STXBP6: variants seen among roughly 807,000 people sequenced by gnomAD.
The protein encoded by STXBP6 is syntaxin binding protein 6.
A neutral mutation model predicts 26.9 loss-of-function variants in STXBP6; 21 were observed. The observed-to-expected ratio is 0.78, with a 90% CI of 0.55 to 1.12. The LOEUF (loss-of-function observed/expected upper bound fraction) is 1.12, where lower values mean the gene tolerates loss of function less well. STXBP6 is among the 50% of genes most tolerant of loss of function. The probability of loss-of-function intolerance (pLI) is 0.00; values close to 1 mark genes in which losing one functional copy is unlikely to be tolerated. For synonymous variants in STXBP6, 97 were observed against 92.6 expected (o/e 1.05, Z -0.27); for missense variants, 232 against 257.9 (o/e 0.90, Z 0.69).
chr14:24,816,269 TTCCATCTCTGAACTC>T (rs1263073385), intron 5 of STXBP6: 2 of 146,192 alleles, frequency 1.4e-5, no homozygotes, highest in East Asian at 4.1e-4. Flanking sequence ...AATGCTTGGG[TTCCATCTCTGAACTC>T]TCCCCTCACC....
chr14:24,914,401 T>A (rs909489076), intron 2 of STXBP6, among the ~76,000 whole-genome samples: 2 of 152,176 alleles, frequency 1.3e-5, no homozygotes, highest in Non-Finnish European at 2.9e-5. Flanking sequence ...TTACTTTTTT[T>A]AAAAATGAAT....
At chr14:24,936,369 C>G (rs1309520286) in intron 2 of STXBP6, among the ~76,000 whole-genome samples, 1 of 152,182 alleles carries the variant, frequency 6.6e-6, no homozygotes, top group Non-Finnish European at 1.5e-5. Context: ...TCTTTGGATG[C>G]TGAGTAATGC....
At chr14:24,826,216 C>T (rs2068277278) in intron 4 of STXBP6, among the ~76,000 whole-genome samples, 1 of 151,704 alleles carries the variant, frequency 6.6e-6, no homozygotes, top group African/African-American at 2.4e-5. Context: ...CTTCAACATA[C>T]TTGCTACTTA....
chr14:24,938,085 C>T (rs1444147793), intron 2 of STXBP6, among the ~76,000 whole-genome samples: 1 of 152,184 alleles, frequency 6.6e-6, no homozygotes, highest in South Asian at 2.1e-4. Flanking sequence ...TACAAGACAA[C>T]AGAAATCACA....
intron 2 of STXBP6, among the ~76,000 whole-genome samples, chr14:24,937,391 G>A (rs1217957560): frequency 6.6e-6 from 1 of 152,168 alleles, no homozygotes; most frequent in Non-Finnish European, 1.5e-5. Context: ...TATATATGAT[G>A]TTGCTCTGTT....
chr14:25,021,999 A>T (rs999364015), intron 1 of STXBP6, among the ~76,000 whole-genome samples: 1 of 152,232 alleles, frequency 6.6e-6, no homozygotes, highest in African/African-American at 2.4e-5. Flanking sequence ...CCATGCTCCA[A>T]CTAGAACAAG....
chr14:24,978,456 G>A (rs2074106242), intron 1 of STXBP6, among the ~76,000 whole-genome samples: 1 of 152,178 alleles, frequency 6.6e-6, no homozygotes, highest in Non-Finnish European at 1.5e-5. Context: ...GCTTTATCAA[G>A]CCTTACGTCT....
chr14:24,845,441 C>A (rs993084262), intron 4 of STXBP6, among the ~76,000 whole-genome samples: 2 of 152,106 alleles, frequency 1.3e-5, no homozygotes, highest in Admixed American at 6.5e-5. Flanking sequence ...AAGTAAGGAA[C>A]TTTTTGATAT....
At chr14:24,888,617 G>A (rs866715929) in intron 2 of STXBP6, among the ~76,000 whole-genome samples, 1 of 151,996 alleles carries the variant, frequency 6.6e-6, no homozygotes, top group East Asian at 1.9e-4. Context: ...CTGCTACTCA[G>A]GAGGCTGAGG....
intron 1 of STXBP6, among the ~76,000 whole-genome samples, chr14:24,993,866 T>G (rs910767916): frequency 6.6e-6 from 1 of 152,100 alleles, no homozygotes; most frequent in Non-Finnish European, 1.5e-5. Flanking sequence ...CCCCCAGAGA[T>G]CCAAGTACCT....
intron 2 of STXBP6, among the ~76,000 whole-genome samples, chr14:24,966,937 G>A (rs1400861179): frequency 6.6e-6 from 1 of 152,206 alleles, no homozygotes; most frequent in African/African-American, 2.4e-5. Context: ...TAGGAGACCA[G>A]AGTAATATCG....
intron 2 of STXBP6, among the ~76,000 whole-genome samples, chr14:24,908,837 T>C (rs1425357234): frequency 6.6e-6 from 1 of 152,174 alleles, no homozygotes; most frequent in Non-Finnish European, 1.5e-5. Flanking sequence ...GGCTGGTTAT[T>C]CCTTGTGGTC....
chr14:24,912,569 CTTACT>C (rs978122881), intron 2 of STXBP6, among the ~76,000 whole-genome samples: 1 of 151,988 alleles, frequency 6.6e-6, no homozygotes, highest in Non-Finnish European at 1.5e-5. Context: ...ATCATACAGC[CTTACT>C]TTAAGTGCAT....
At chr14:24,998,746 G>C (rs940190529) in intron 1 of STXBP6, among the ~76,000 whole-genome samples, 3 of 152,166 alleles carry the variant, frequency 2.0e-5, no homozygotes, top group African/African-American at 7.2e-5. Context: ...CCTAGAGGAA[G>C]TTGCCTTTTT....
intron 2 of STXBP6, among the ~76,000 whole-genome samples, chr14:24,865,310 A>G (rs1316006010): frequency 6.6e-6 from 1 of 152,126 alleles, no homozygotes; most frequent in African/African-American, 2.4e-5. Flanking sequence ...TGAGCCCTAC[A>G]ATTGTACTAG....
At chr14:24,863,552 T>C (rs2069617899) in intron 2 of STXBP6, among the ~76,000 whole-genome samples, 3 of 152,136 alleles carry the variant, frequency 2.0e-5, no homozygotes, top group Admixed American at 2.0e-4. Context: ...AAGAAAATGG[T>C]AATAACCAAG....
chr14:24,930,795 A>C (rs1232929194), intron 2 of STXBP6, among the ~76,000 whole-genome samples: 1 of 152,128 alleles, frequency 6.6e-6, no homozygotes, highest in Non-Finnish European at 1.5e-5. Flanking sequence ...CCATCATTCT[A>C]AGCAAACTAT....
chr14:24,869,680 T>C (rs186914242), intron 2 of STXBP6, among the ~76,000 whole-genome samples: 430 of 152,270 alleles, frequency 2.8e-3, no homozygotes, highest in Admixed American at 5.2e-3. Flanking sequence ...CAAAACGCTC[T>C]TCTCAAAACT....
At chr14:24,899,795 AAAAAGC>A (rs1180944032) in intron 2 of STXBP6, among the ~76,000 whole-genome samples, 21 of 85,402 alleles carry the variant, frequency 2.5e-4, no homozygotes, top group Non-Finnish European at 3.5e-4. Flanking sequence ...AAAAAAAAAA[AAAAAGC>A]AAAAAAAAAA....
Sources: allele counts gnomAD v4.1 joint callset (sites outside exome capture counted in the v4.1 genomes callset), GRCh38; gene constraint gnomAD v4.1.1; transcripts MANE v1.5; gene names NCBI Gene and HGNC (gene_info 2026-07-23, HGNC 2026-07-21).